Variants in SPRED2 observed in about 807,000 individuals in gnomAD.
SPRED2 encodes the protein sprouty related EVH1 domain containing 2, also known as sprouty-related, EVH1 domain-containing protein 2.
Under a neutral mutation model 43.0 loss-of-function variants are expected in SPRED2, and 47 were observed. The observed-to-expected ratio is 1.09, with a 90% confidence interval of 0.87 to 1.40. The LOEUF (loss-of-function observed/expected upper bound fraction) is 1.40, where lower values mean the gene tolerates loss of function less well. Among genes scored for constraint, SPRED2 ranks in the 40% most tolerant of loss-of-function variants. The probability of loss-of-function intolerance (pLI) is 0.00; values close to 1 mark genes in which losing one functional copy is unlikely to be tolerated. For missense variants in SPRED2, 561 were observed against 586.4 expected, an observed-to-expected ratio of 0.96 and a Z score of 0.45; for synonymous variants, 225 against 225.7, an observed-to-expected ratio of 1.00 and a Z score of 0.03.
chr2:65,364,349 T>C (rs891114583), intron 1 of SPRED2, among the ~76,000 whole-genome samples: 4 of 152,242 alleles, frequency 2.6e-5, no homozygotes. Context: ...GCTCTGAACA[T>C]AGGCAGCGTC....
At chr2:65,358,593 T>C (rs1263239149) in intron 1 of SPRED2, among the ~76,000 whole-genome samples, 1 of 152,224 alleles carries the variant, frequency 6.6e-6, no homozygotes, top group African/African-American at 2.4e-5. Flanking sequence ...AGACATTTCT[T>C]ATAGACCTCT....
chr2:65,333,678 T>C (rs1368832412), intron 3 of SPRED2, among the ~76,000 whole-genome samples: 2 of 152,214 alleles, frequency 1.3e-5, no homozygotes, highest in African/African-American at 4.8e-5. Context: ...ATTTGAACAC[T>C]GGTTTTTATT....
intron 4 of SPRED2, among the ~76,000 whole-genome samples, chr2:65,325,798 T>C (rs1047267892): frequency 1.3e-5 from 2 of 152,172 alleles, no homozygotes; most frequent in Non-Finnish European, 2.9e-5. Flanking sequence ...GTATTTTGTA[T>C]ACAAAATAGA....
chr2:65,326,914 C>T (rs1386673953), intron 4 of SPRED2, among the ~76,000 whole-genome samples: 1 of 152,108 alleles, frequency 6.6e-6, no homozygotes, highest in African/African-American at 2.4e-5. Context: ...AATCACAGCT[C>T]ACTGCAGCCT....
rs1034196764 is a variant in SPRED2, at chr2:65,416,479, C to T, written c.26+15483G>A. Among the ~76,000 whole-genome samples the T allele has an allele frequency of 3.3e-5, 5 of 152,040 alleles. No individual in the cohort carries two copies. In the South Asian group the frequency reaches 1.0e-3, roughly 32 times the overall value. On this transcript the variant is annotated intron_variant, in intron 1 of 5. Transcript: ENST00000356388. ...TGGAAGAGTGGGTCTACAGGTAAGC[C>T]ATTATAACCAAACTACCCTCACAGT...
intron 1 of SPRED2, among the ~76,000 whole-genome samples, chr2:65,396,416 G>A (rs1675758522): frequency 6.6e-6 from 1 of 152,194 alleles, no homozygotes; most frequent in Admixed American, 6.5e-5. Flanking sequence ...CCGTGTGCTT[G>A]CCCTATGTCC....
chr2:65,420,911 T>C lies in SPRED2; in HGVS notation c.26+11051A>G, dbSNP rs370423268. Among the ~76,000 whole-genome samples the C allele has an allele frequency of 5.9e-5, 9 of 152,308 alleles. No individual in the cohort carries two copies. The East Asian group carries it at 1.3e-3, about 23-fold the overall frequency. On this transcript the variant is annotated intron_variant, in intron 1 of 5. Transcript: ENST00000356388. ...TCATCTTGATTCCCAGTAACAACAA[T>C]GCTCTTTGCATCAGAAACAACACAA... is the stretch of plus-strand genomic sequence containing the variant.
Position 65,356,549 on chromosome 2 carries a change from TTTTTTTTTTG to T in SPRED2, c.27-11663_27-11654del, listed in dbSNP as rs1445901442. On this transcript the variant is annotated intron_variant, in intron 1 of 5. Transcript: ENST00000356388. The stretch of plus-strand genomic sequence containing the variant: ...CCCCAGTTCCCTCTTTTTTTTTTTT[TTTTTTTTTTG>T]TGTGTGTGTACCTGCTATCTACCAC... Among the ~76,000 whole-genome samples the T allele has an allele frequency of 2.1e-3, 300 of 139,732 alleles. 5 individuals carry two copies. Among genetic ancestry groups the T allele is most frequent in the Non-Finnish European group, 3.5e-3 (228 of 65,574 alleles). 91.7% of individuals were successfully genotyped at this position (139,732 alleles called of 152,430 possible).
intron 1 of SPRED2, among the ~76,000 whole-genome samples, chr2:65,430,144 A>C (rs1676644486): frequency 6.6e-6 from 1 of 152,222 alleles, no homozygotes; most frequent in African/African-American, 2.4e-5. Context: ...ATATTGATTT[A>C]TTGGTCACGT....
Position 65,313,896 on chromosome 2 carries a change from T to G in SPRED2, c.862A>C (p.Ile288Leu). ...TTGCCCCGGGAGGGCTGCGTCTTGA[T>G]CACGCTGCCCCCGCGGCCTTTGGGG... ...EDPKGRGGSV[I>L]KTQPSRGKSR... The change falls in exon 6 of 6, where the codon ATC becomes CTC. Residue 288 changes from isoleucine to leucine, a missense_variant. This residue lies in a region of SPRED2 where 164 missense variants were observed against 164.1 expected (regional missense o/e 1.00). Coordinates refer to ENST00000356388, the MANE Select transcript of SPRED2 (RefSeq NM_181784.3). 1 of 1,610,348 alleles carries G rather than the reference T, an allele frequency of 6.2e-7. No homozygotes were observed.
At chr2:65,338,176 CG>C (rs1489091496) in intron 2 of SPRED2, among the ~76,000 whole-genome samples, 21 of 115,710 alleles carry the variant, frequency 1.8e-4, no homozygotes, top group African/African-American at 3.8e-4. Context: ...TCCCGTCTCC[CG>C]TCTCCCTCTC....
At chr2:65,411,425 C>G (rs1676156994) in intron 1 of SPRED2, among the ~76,000 whole-genome samples, 1 of 152,164 alleles carries the variant, frequency 6.6e-6, no homozygotes, top group African/African-American at 2.4e-5. Context: ...TGCTTTTAAA[C>G]AGCACTCCCA....
Position 65,313,910 on chromosome 2 carries a change from C to G in SPRED2, c.848G>C (p.Arg283Pro). The change falls in exon 6 of 6, where the codon CGC (arginine) becomes CCC (proline). Residue 283 changes from arginine to proline, a missense_variant. Coordinates refer to ENST00000356388, the MANE Select transcript of SPRED2 (RefSeq NM_181784.3). ...CTGCGTCTTGATCACGCTGCCCCCG[C>G]GGCCTTTGGGGTCCTCGCCTAGGCC... ...DFGLGEDPKGRGGSVIKTQPS... is the reference protein window; with the variant it reads ...DFGLGEDPKGPGGSVIKTQPS... 6.2e-7 allele frequency: 1 copy of G among 1,610,504 alleles called. No individual in the cohort carries two copies.
intron 2 of SPRED2, among the ~76,000 whole-genome samples, chr2:65,342,983 A>T (rs1467201942): frequency 6.6e-6 from 1 of 152,160 alleles, no homozygotes; most frequent in Non-Finnish European, 1.5e-5. Flanking sequence ...ATTACATCAA[A>T]GGGCTAAGGG....
intron 1 of SPRED2, among the ~76,000 whole-genome samples, chr2:65,360,080 A>C (rs1674763087): frequency 2.1e-5 from 1 of 46,880 alleles, no homozygotes; most frequent in Non-Finnish European, 5.5e-5. Context: ...AAAAAAAAAC[A>C]AAAAAAAACA....
At chr2:65,388,846 G>A in intron 1 of SPRED2, among the ~76,000 whole-genome samples, 1 of 152,136 alleles carries the variant, frequency 6.6e-6, no homozygotes, top group African/African-American at 2.4e-5. Flanking sequence ...TAATTAAAAT[G>A]GTCTTTCTCC....
chr2:65,385,404 G>T (rs1675471676), intron 1 of SPRED2, among the ~76,000 whole-genome samples: 1 of 152,202 alleles, frequency 6.6e-6, no homozygotes, highest in African/African-American at 2.4e-5. Flanking sequence ...GGAGTTGGAG[G>T]GCGTCTGAAC....
intron 1 of SPRED2, among the ~76,000 whole-genome samples, chr2:65,362,021 A>G (rs1424094248): frequency 2.0e-5 from 3 of 152,230 alleles, no homozygotes; most frequent in Admixed American, 2.0e-4. Flanking sequence ...GACATCTCCA[A>G]TCTGAAGAAT....
chr2:65,432,081 T>G lies in SPRED2; in HGVS notation c.-94A>C. The stretch of plus-strand genomic sequence containing the variant: ...CCCCCCTTCTTCACATCTCCGGAGA[T>G]CGCCTGATTTGGGGAGGGGGGGCGG... On this transcript the variant is annotated 5_prime_UTR_variant, in exon 1 of 6. Coordinates refer to ENST00000356388, the MANE Select transcript of SPRED2 (RefSeq NM_181784.3). The G allele has an allele frequency of 3.6e-5, 54 of 1,488,506 alleles. No homozygotes were observed. Among genetic ancestry groups the G allele is most frequent in the Non-Finnish European group, 4.7e-5 (51 of 1,076,868 alleles). 92.2% of individuals were successfully genotyped at this position (1,488,506 alleles called of 1,614,324 possible).
Sources: gnomAD v4.1 joint callset for allele counts (sites outside exome capture counted in the v4.1 genomes callset) on GRCh38, gnomAD v4.1.1 for gene constraint, gnomAD v4.1.1 regional missense constraint, MANE v1.5 for transcripts, NCBI Gene and HGNC (gene_info 2026-07-23, HGNC 2026-07-21) for gene names.